Variants in SPOP observed in about 807,000 individuals in gnomAD.
The protein encoded by SPOP is speckle type BTB/POZ protein.
SPOP carries 11 observed loss-of-function variants against 45.6 expected under a neutral mutation model. That is an observed-to-expected ratio of 0.24 (90% CI 0.15 to 0.40). The LOEUF (loss-of-function observed/expected upper bound fraction) is 0.40, where lower values mean the gene tolerates loss of function less well. Among genes scored for constraint, SPOP ranks in the 10% least tolerant of loss-of-function variants. SPOP has a pLI of 1.00. For missense variants in SPOP, 152 were observed against 465.6 expected (o/e 0.33, Z 6.20); for synonymous variants, 166 against 166.3 (o/e 1.00, Z 0.01).
intron 1 of SPOP, among the ~76,000 whole-genome samples, chr17:49,662,207 C>T (rs977879837): frequency 1.3e-5 from 2 of 151,836 alleles, no homozygotes; most frequent in South Asian, 2.1e-4. Context: ...TTTTTGCCCC[C>T]CTCAGATTGT....
At chr17:49,650,756 C>CTG (rs2072832883) in intron 1 of SPOP, among the ~76,000 whole-genome samples, 1 of 152,086 alleles carries the variant, frequency 6.6e-6, no homozygotes, top group African/African-American at 2.4e-5. Context: ...AAAGACTAAG[C>CTG]TGATTTGAAT....
chr17:49,658,855 T>C (rs1283983459), intron 1 of SPOP, among the ~76,000 whole-genome samples: 1 of 152,254 alleles, frequency 6.6e-6, no homozygotes, highest in African/African-American at 2.4e-5. Context: ...ACAGCCATTC[T>C]ACTTCATGTG....
At chr17:49,642,757 G>C (rs971310179) in intron 1 of SPOP, among the ~76,000 whole-genome samples, 3 of 152,238 alleles carry the variant, frequency 2.0e-5, no homozygotes, top group Admixed American at 6.5e-5. Context: ...CATAAAATGT[G>C]GGACTGATGT....
At chr17:49,630,133 C>G (rs1470524069) in intron 1 of SPOP, among the ~76,000 whole-genome samples, 2 of 152,012 alleles carry the variant, frequency 1.3e-5, no homozygotes, top group Non-Finnish European at 2.9e-5. Context: ...ATTTTCAACC[C>G]GAGATGTTTG....
intron 1 of SPOP, among the ~76,000 whole-genome samples, chr17:49,674,764 G>A (rs1427335367): frequency 6.6e-6 from 1 of 152,206 alleles, no homozygotes; most frequent in Non-Finnish European, 1.5e-5. Context: ...GCATCTAAGA[G>A]TTAAAGGAAG....
chr17:49,630,734 G>A (rs1189301523), intron 1 of SPOP, among the ~76,000 whole-genome samples: 2 of 152,128 alleles, frequency 1.3e-5, no homozygotes, highest in African/African-American at 4.8e-5. Context: ...ATATAGGCAT[G>A]AACCACTGTG....
intron 1 of SPOP, among the ~76,000 whole-genome samples, chr17:49,661,600 C>A (rs955206287): frequency 3.3e-4 from 51 of 152,316 alleles, no homozygotes; most frequent in African/African-American, 1.2e-3. Flanking sequence ...TTTAATCCCC[C>A]ACTCATTTTG....
At chr17:49,607,457 T>C in intron 7 of SPOP, 85 bp from the exon 8 acceptor site, 1 of 1,500,578 alleles carries the variant, frequency 6.7e-7, no homozygotes, top group Non-Finnish European at 8.9e-7. Flanking sequence ...TAAGCTCTAG[T>C]GAGGAGAGAA....
At chr17:49,658,157 A>C (rs2072940071) in intron 1 of SPOP, among the ~76,000 whole-genome samples, 1 of 152,178 alleles carries the variant, frequency 6.6e-6, no homozygotes, top group Admixed American at 6.5e-5. Context: ...AATATGCTGA[A>C]TTTTTAAAGC....
Position 49,598,940 on chromosome 17 carries a change from T to C in SPOP, c.*1438A>G. The C allele has an allele frequency of 5.3e-6, 1 of 190,286 alleles. No homozygotes were observed. 11.8% of individuals were successfully genotyped at this position (190,286 alleles called of 1,614,324 possible). On this transcript the variant is annotated 3_prime_UTR_variant, in exon 10 of 10. Coordinates refer to ENST00000504102, the MANE Select transcript of SPOP (RefSeq NM_001007228.2). ...CCACATTTATGTCCCCTGGATCTTT[T>C]TATATTTAGTTAGAAGAAGGGAGGT...
chr17:49,656,246 A>G (rs779873754), intron 1 of SPOP, among the ~76,000 whole-genome samples: 15 of 152,264 alleles, frequency 9.9e-5, no homozygotes, highest in Admixed American at 2.6e-4. Flanking sequence ...AGAGAACTAC[A>G]AAGTAAAATA....
chr17:49,622,811 C>G lies in SPOP; in HGVS notation c.-1G>C, dbSNP rs1445881208. ...GTGGAGGACTTGGAACCCTTGACAT[C>G]GCCAGTTTGAAGGTTAAACGAGATT... On this transcript the variant is annotated 5_prime_UTR_variant, in exon 2 of 10. Transcript: ENST00000504102. The G allele has an allele frequency of 1.2e-6, 2 of 1,614,008 alleles. No individual in the cohort carries two copies. The highest frequency in any genetic ancestry group is 8.5e-7 in the Non-Finnish European group (1 of 1,179,904).
intron 1 of SPOP, among the ~76,000 whole-genome samples, chr17:49,636,983 T>C (rs371281964): frequency 1.2e-4 from 18 of 152,198 alleles, no homozygotes; most frequent in South Asian, 8.3e-4. Context: ...TAGGCCAAGG[T>C]GGGTGGATCA....
At chr17:49,670,328 G>C (rs1036877505) in intron 1 of SPOP, among the ~76,000 whole-genome samples, 2 of 152,232 alleles carry the variant, frequency 1.3e-5, no homozygotes, top group African/African-American at 4.8e-5. Context: ...CTTTCGGAGA[G>C]ATTCACTATG....
At position 49,607,291 on chromosome 17, in the gene SPOP, G is replaced by A; in HGVS notation, c.796C>T (p.Leu266Phe). The A allele has an allele frequency of 6.2e-7, 1 of 1,613,992 alleles. No homozygotes were observed. Among genetic ancestry groups the A allele is most frequent in the Non-Finnish European group, 8.5e-7 (1 of 1,179,980 alleles). Reference sequence around the variant, plus strand: ...AGCAAATCATCAGCCATTTTGTCGAGGTTTGGAGCCTTCCCCGTGTAAATG... The same window carrying A: ...AGCAAATCATCAGCCATTTTGTCGAAGTTTGGAGCCTTCCCCGTGTAAATG... Reference protein sequence around the residue: ...CFIYTGKAPNLDKMADDLLAA... With the variant: ...CFIYTGKAPNFDKMADDLLAA... The change falls in exon 8 of 10, where the codon CTC becomes TTC. Residue 266 changes from leucine (L) to phenylalanine (F), a missense_variant. Transcript: ENST00000504102.
chr17:49,600,636 A>G lies in SPOP; in HGVS notation c.981-114T>C. The G allele has an allele frequency of 8.7e-7, 1 of 1,147,278 alleles. No homozygotes were observed. Among genetic ancestry groups the G allele is most frequent in the Non-Finnish European group, 1.3e-6 (1 of 798,150 alleles). 71.1% of individuals were successfully genotyped at this position (1,147,278 alleles called of 1,614,324 possible). ...TAGGTATAAAGGGTGTCAATGCAAG[A>G]AACAGAAGAACCCTTAATATGCATA... On this transcript the variant is annotated intron_variant, in intron 9 of 9. Transcript: ENST00000504102. The surrounding 1 kb of genome is among the most constrained non-coding windows in gnomAD (Gnocchi z 4.2).
At chr17:49,624,529 C>T (rs375862524) in intron 1 of SPOP, among the ~76,000 whole-genome samples, 51 of 152,200 alleles carry the variant, frequency 3.4e-4, no homozygotes, top group African/African-American at 1.1e-3. Context: ...AGCACAGTGG[C>T]GCAATCTTGG....
intron 1 of SPOP, among the ~76,000 whole-genome samples, chr17:49,627,888 GCTCTTAACCAAACAAC>G (rs1256589040): frequency 5.3e-5 from 8 of 152,150 alleles, no homozygotes; most frequent in Non-Finnish European, 1.2e-4. Context: ...ACTCTGAGGA[GCTCTTAACCAAACAAC>G]CTGCTGGAAA....
In SPOP at chr17:49,638,583, C is replaced by CAA. The variant is rs5820771; in HGVS notation, c.-66-15709_-66-15708dup. ...CTGGTGACAGAGTGAGACTCTGTCT[C>CAA]AAAAAAAAAAAAATAGAATCTCTTC... On this transcript the variant is annotated intron_variant, in intron 1 of 9. Transcript: ENST00000504102. Among the ~76,000 whole-genome samples, 5 of 148,458 alleles carry CAA rather than the reference C, an allele frequency of 3.4e-5. No homozygotes were observed. In the South Asian group the frequency reaches 8.5e-4, roughly 25 times the overall value.
Sources: gnomAD v4.1 joint callset for allele counts (sites outside exome capture counted in the v4.1 genomes callset) on GRCh38, gnomAD v4.1.1 for gene constraint, Gnocchi (gnomAD v3.1) non-coding constraint, MANE v1.5 for transcripts, NCBI Gene and HGNC (gene_info 2026-07-23, HGNC 2026-07-21) for gene names.